Variants in PTPRK observed in about 807,000 individuals in gnomAD.
PTPRK encodes the protein receptor-type tyrosine-protein phosphatase kappa.
A neutral mutation model predicts 178.0 loss-of-function variants in PTPRK; 75 were observed. The ratio of observed to expected loss-of-function variants is 0.42; its 90% CI spans 0.35 to 0.51. The LOEUF is 0.51. PTPRK is among the 20% of genes least tolerant of loss of function. The probability of loss-of-function intolerance (pLI) is 0.02; values close to 1 mark genes in which losing one functional copy is unlikely to be tolerated. For missense variants in PTPRK, 1,441 were observed against 1,797.8 expected (o/e 0.80, Z 3.59); for synonymous variants, 637 against 620.6 (o/e 1.03, Z -0.39).
At chr6:128,056,028 T>C (rs1306955300) in intron 13 of PTPRK, among the ~76,000 whole-genome samples, 2 of 151,246 alleles carry the variant, frequency 1.3e-5, no homozygotes, top group Non-Finnish European at 2.9e-5. Flanking sequence ...ATTAGACTTG[T>C]GTAAGCCCCG....
intron 6 of PTPRK, among the ~76,000 whole-genome samples, chr6:128,190,490 C>CGTT (rs763994813): frequency 1.0e-5 from 1 of 96,126 alleles, no homozygotes; most frequent in African/African-American, 5.3e-5. Flanking sequence ...TGATAGATAC[C>CGTT]TTTTTTTTTT....
intron 13 of PTPRK, among the ~76,000 whole-genome samples, chr6:128,055,967 G>A (rs1779815582): frequency 6.7e-6 from 1 of 149,096 alleles, no homozygotes; most frequent in African/African-American, 2.5e-5. Context: ...CAGAACATAA[G>A]CGCTTTTTTT....
At chr6:128,112,120 G>T (rs1244842907) in intron 7 of PTPRK, among the ~76,000 whole-genome samples, 1 of 152,098 alleles carries the variant, frequency 6.6e-6, no homozygotes, top group Non-Finnish European at 1.5e-5. Context: ...GTGAGGGCTA[G>T]TTACAGATTT....
intron 7 of PTPRK, among the ~76,000 whole-genome samples, chr6:128,125,984 T>C (rs997084549): frequency 8.5e-5 from 13 of 152,160 alleles, no homozygotes; most frequent in African/African-American, 3.1e-4. Flanking sequence ...CTCCTTTCAC[T>C]GAGCAATATA....
chr6:127,983,200 A>T, intron 23 of PTPRK, 42 bp downstream of exon 23: 1 of 1,489,122 alleles, frequency 6.7e-7, no homozygotes, highest in Non-Finnish European at 8.9e-7. Flanking sequence ...TGCAAAAAAA[A>T]TAAAAAATAA....
At chr6:128,290,816 T>C (rs1389934565) in intron 3 of PTPRK, among the ~76,000 whole-genome samples, 6 of 152,032 alleles carry the variant, frequency 3.9e-5, no homozygotes, top group Non-Finnish European at 5.9e-5. Context: ...AAGGGTGTAA[T>C]AGGAAAAGCA....
At chr6:128,365,356 G>A (rs763489132) in intron 2 of PTPRK, among the ~76,000 whole-genome samples, 2 of 152,032 alleles carry the variant, frequency 1.3e-5, no homozygotes, top group Non-Finnish European at 2.9e-5. Flanking sequence ...AAGTTTAAGT[G>A]CCTGAAATGT....
chr6:128,437,323 TAC>T (rs1391094677), intron 1 of PTPRK, among the ~76,000 whole-genome samples: 1 of 152,032 alleles, frequency 6.6e-6, no homozygotes, highest in Non-Finnish European at 1.5e-5. Context: ...CATAAAAGAG[TAC>T]ATCAAAACCT....
intron 3 of PTPRK, among the ~76,000 whole-genome samples, chr6:128,261,915 GCAT>G (rs1818239670): frequency 6.6e-6 from 1 of 152,092 alleles, no homozygotes; most frequent in African/African-American, 2.4e-5. Context: ...CTTAAGCACA[GCAT>G]CAAGTTGGGC....
chr6:128,093,635 AAAAAC>A (rs1306622294), intron 7 of PTPRK, among the ~76,000 whole-genome samples: 7 of 150,252 alleles, frequency 4.7e-5, no homozygotes, highest in African/African-American at 1.2e-4. Context: ...GAAAAAACAA[AAAAAC>A]AAAACAAAAC....
chr6:128,200,003 T>C (rs2128257041), intron 6 of PTPRK, among the ~76,000 whole-genome samples: 1 of 152,318 alleles, frequency 6.6e-6, no homozygotes, highest in South Asian at 2.1e-4. Context: ...GTTACATATA[T>C]TGTGATGTGA....
chr6:128,081,538 T>C (rs1202800892), intron 10 of PTPRK, among the ~76,000 whole-genome samples: 3 of 151,986 alleles, frequency 2.0e-5, no homozygotes, highest in Admixed American at 6.6e-5. Context: ...TTTATGGGTA[T>C]TAATGATGTA....
intron 3 of PTPRK, among the ~76,000 whole-genome samples, chr6:128,291,730 G>A (rs1238064044): frequency 6.6e-6 from 1 of 152,100 alleles, no homozygotes; most frequent in Non-Finnish European, 1.5e-5. Context: ...CATCAAGCTT[G>A]CATATGCAAA....
intron 13 of PTPRK, among the ~76,000 whole-genome samples, chr6:128,030,206 T>TG (rs1315359325): frequency 3.3e-5 from 5 of 152,038 alleles, no homozygotes; most frequent in Non-Finnish European, 5.9e-5. Context: ...TGAAGAGAAG[T>TG]GGGGGCTGTG....
Position 128,332,281 on chromosome 6 carries a change from T to C in PTPRK, c.224-9971A>G, listed in dbSNP as rs116513313. Among the ~76,000 whole-genome samples, 600 of 152,352 alleles carry C rather than the reference T, an allele frequency of 3.9e-3. 2 individuals are homozygous for C. Among genetic ancestry groups the C allele is most frequent in the African/African-American group, 0.013 (552 of 41,586 alleles). On this transcript the variant is annotated intron_variant, in intron 2 of 29. Transcript: ENST00000368226. ...GTTAAAAGGATTAGTGCCATCTGTTTCCTATTTAAAAGTGGCTAATTTTAT... is the reference window on the plus strand; with the variant it reads ...GTTAAAAGGATTAGTGCCATCTGTTCCCTATTTAAAAGTGGCTAATTTTAT...
At chr6:128,378,250 A>T (rs572587905) in intron 2 of PTPRK, among the ~76,000 whole-genome samples, 1 of 152,264 alleles carries the variant, frequency 6.6e-6, no homozygotes, top group Non-Finnish European at 1.5e-5. Context: ...TATTGAACCA[A>T]TCTTCCCAAA....
chr6:128,416,174 G>A (rs1180581468), intron 1 of PTPRK, among the ~76,000 whole-genome samples: 1 of 152,048 alleles, frequency 6.6e-6, no homozygotes, highest in East Asian at 1.9e-4. Flanking sequence ...TTATACTTGG[G>A]TGGATGGTCA....
chr6:128,251,102 A>T (rs1816389886), intron 3 of PTPRK, among the ~76,000 whole-genome samples: 1 of 152,190 alleles, frequency 6.6e-6, no homozygotes, highest in East Asian at 1.9e-4. Flanking sequence ...GAAACTGATG[A>T]ATTCTTATTA....
At position 128,029,638 on chromosome 6, in the gene PTPRK, AAATAATAATAAT is replaced by A. The variant is rs55955361; in HGVS notation, c.2195-20382_2195-20371del. 7.4e-3 allele frequency among the ~76,000 whole-genome samples: 1,016 copies of A among 137,038 alleles called. 11 individuals are homozygous for A. Among genetic ancestry groups the A allele is most frequent in the Admixed American group, 0.032 (435 of 13,556 alleles). 89.9% of individuals were successfully genotyped at this position (137,038 alleles called of 152,430 possible). On this transcript the variant is annotated intron_variant, in intron 13 of 29. Transcript: ENST00000368226. ...GGTGACAGAGTGAGATTCCATCTCA[AAATAATAATAAT>A]AATAATAATAATAATAATAATAATA...
Sources: gnomAD v4.1 joint callset for allele counts (sites outside exome capture counted in the v4.1 genomes callset) on GRCh38, gnomAD v4.1.1 for gene constraint, MANE v1.5 for transcripts, NCBI Gene and HGNC (gene_info 2026-07-23, HGNC 2026-07-21) for gene names.